The following MROH9 variants were observed in gnomAD, a reference collection of about 807,000 sequenced individuals.
MROH9 encodes maestro heat like repeat family member 9.
Under a neutral mutation model 98.2 loss-of-function variants are expected in MROH9, and 92 were observed. The ratio of observed to expected loss-of-function variants is 0.94; its 90% confidence interval spans 0.79 to 1.11. MROH9 has a LOEUF of 1.11. Among genes scored for constraint, MROH9 ranks in the 50% most tolerant of loss-of-function variants. The probability of loss-of-function intolerance (pLI) is 0.00; values close to 1 mark genes in which losing one functional copy is unlikely to be tolerated. For synonymous variants in MROH9, 397 were observed against 368.9 expected, an observed-to-expected ratio of 1.08 and a Z score of -0.87; for missense variants, 1,057 against 1,014.8, an observed-to-expected ratio of 1.04 and a Z score of -0.57.
chr1:170,944,434 TTA>T (rs1186552299), intron 1 of MROH9, among the ~76,000 whole-genome samples: 1 of 152,008 alleles, frequency 6.6e-6, no homozygotes, highest in African/African-American at 2.4e-5. Flanking sequence ...ATAAAATCTG[TTA>T]TGTAATAAAC....
intron 20 of MROH9, among the ~76,000 whole-genome samples, chr1:171,035,295 A>G (rs1414865590): frequency 6.6e-6 from 1 of 151,746 alleles, no homozygotes; most frequent in Non-Finnish European, 1.5e-5. Flanking sequence ...TAATAAATAT[A>G]AAGAGGAAGT....
intron 1 of MROH9, among the ~76,000 whole-genome samples, chr1:170,938,977 G>C (rs556342755): frequency 6.6e-6 from 1 of 152,188 alleles, no homozygotes; most frequent in South Asian, 2.1e-4. Flanking sequence ...TGGCTACTTT[G>C]CTCATGAGCC....
rs367773774 is a variant in MROH9, at chr1:170,996,974, G to A, written c.1475+330G>A. 2.0e-5 allele frequency among the ~76,000 whole-genome samples: 3 copies of A among 152,136 alleles called. No individual in the cohort carries two copies. In the East Asian group the frequency reaches 5.8e-4, roughly 29 times the overall value. On this transcript the variant is annotated intron_variant, in intron 14 of 21. Coordinates refer to ENST00000367759, the MANE Select transcript of MROH9 (RefSeq NM_001163629.2). ...ATTTTAGCTGATTCCTGCACAGCAG[G>A]CATCAGTTTTAGACATGTTTCCACT...
intron 12 of MROH9, among the ~76,000 whole-genome samples, chr1:170,993,673 A>G (rs1651449379): frequency 6.6e-6 from 1 of 152,206 alleles, no homozygotes; most frequent in Non-Finnish European, 1.5e-5. Flanking sequence ...ATCACATATA[A>G]AATAAATGTG....
chr1:171,053,918 T>C (rs533183821), intron 20 of MROH9, among the ~76,000 whole-genome samples: 1 of 152,102 alleles, frequency 6.6e-6, no homozygotes, highest in South Asian at 2.1e-4. Context: ...GGAGAAAGAA[T>C]GAGGCAGAAG....
chr1:171,015,738 G>C (rs536441517), intron 16 of MROH9, among the ~76,000 whole-genome samples: 1 of 152,188 alleles, frequency 6.6e-6, no homozygotes, highest in South Asian at 2.1e-4. Context: ...TGAAAATAAG[G>C]CCAATTCCCT....
At position 170,959,570 on chromosome 1, in the gene MROH9, C is replaced by T. The variant is rs776235836; in HGVS notation, c.261C>T (p.Ser87=). 3 of 1,613,446 alleles carry T rather than the reference C, an allele frequency of 1.9e-6. No homozygotes were observed. Among genetic ancestry groups the T allele is most frequent in the Non-Finnish European group, 1.7e-6 (2 of 1,179,718 alleles). ...TTGACAAAGTAAAAGAAATGGGGAG[C>T]AGTTATGAGTACATTGAGGACATGG... is the stretch of plus-strand genomic sequence containing the variant. The part of the protein sequence containing the change: ...PSLDKVKEMG[S]SYEYIEDMEN... Residue 87 remains serine, a synonymous_variant, in exon 5 of 22, where the codon AGC becomes AGT. Transcript: ENST00000367759.
intron 20 of MROH9, among the ~76,000 whole-genome samples, chr1:171,042,511 G>A (rs887589671): frequency 6.6e-6 from 1 of 152,110 alleles, no homozygotes; most frequent in Non-Finnish European, 1.5e-5. Context: ...CCCAGCAGTG[G>A]AATTGCTGGA....
At chr1:171,063,063 AG>A (rs1222774988) in intron 21 of MROH9, among the ~76,000 whole-genome samples, 1 of 152,130 alleles carries the variant, frequency 6.6e-6, no homozygotes, top group Non-Finnish European at 1.5e-5. Flanking sequence ...GTCAAACACT[AG>A]AATTTTCCAT....
chr1:170,936,496 C>G (rs1427714290), intron 1 of MROH9, among the ~76,000 whole-genome samples: 1 of 152,132 alleles, frequency 6.6e-6, no homozygotes, highest in East Asian at 1.9e-4. Context: ...ATCAGAACAC[C>G]AATTTAAATG....
chr1:171,041,519 C>T (rs1005153315), intron 20 of MROH9, among the ~76,000 whole-genome samples: 1 of 150,994 alleles, frequency 6.6e-6, no homozygotes, highest in African/African-American at 2.4e-5. Context: ...GTAAATAGTG[C>T]TGTGACAAAC....
At chr1:171,050,632 A>T (rs6423174) in intron 20 of MROH9, among the ~76,000 whole-genome samples, 1 of 151,654 alleles carries the variant, frequency 6.6e-6, no homozygotes, top group Admixed American at 6.6e-5. Context: ...ATTTGACATA[A>T]TCTTTTCCAG....
chr1:171,025,620 G>A (rs16863950), intron 20 of MROH9, among the ~76,000 whole-genome samples, 200 bp downstream of exon 20: 14,167 of 150,032 alleles, frequency 0.094, 774 homozygotes, highest in Middle Eastern at 0.17. Context: ...CTGTATGGTT[G>A]ATTATTATGC....
At chr1:170,981,359 C>G (rs746261269) in intron 8 of MROH9, among the ~76,000 whole-genome samples, 1 of 152,164 alleles carries the variant, frequency 6.6e-6, no homozygotes. Context: ...TGGAACCAAC[C>G]CAAATGCCTA....
At chr1:171,018,603 T>G (rs1044808976) in intron 17 of MROH9, among the ~76,000 whole-genome samples, 4 of 151,936 alleles carry the variant, frequency 2.6e-5, no homozygotes, top group African/African-American at 9.7e-5. Flanking sequence ...AATAACAAAC[T>G]CCTCTGAGCT....
Position 170,947,579 on chromosome 1 carries a change from T to A in MROH9, c.72+6T>A. 1 of 1,607,336 alleles carries A rather than the reference T, an allele frequency of 6.2e-7. No homozygotes were observed. Among genetic ancestry groups the A allele is most frequent in the Non-Finnish European group, 8.5e-7 (1 of 1,174,710 alleles). On this transcript the variant is annotated splice_donor_region_variant and intron_variant, in intron 3 of 21. Coordinates refer to ENST00000367759, the MANE Select transcript of MROH9 (RefSeq NM_001163629.2). ...GTGTGAAATGGCACCACATGGTAAG[T>A]GATATTCTATAAGGATATCAACGTA... is the stretch of plus-strand genomic sequence containing the variant.
At chr1:170,983,179 C>G (rs1392696668) in intron 8 of MROH9, among the ~76,000 whole-genome samples, 9 of 152,136 alleles carry the variant, frequency 5.9e-5, no homozygotes, top group African/African-American at 2.2e-4. Context: ...TATTTGTTAT[C>G]TTGTCAGGCT....
chr1:170,990,937 T>C (rs1651333086), intron 11 of MROH9, among the ~76,000 whole-genome samples: 2 of 152,162 alleles, frequency 1.3e-5, no homozygotes, highest in South Asian at 4.1e-4. Flanking sequence ...GGTATTTATT[T>C]AGGAAGCTTT....
chr1:170,989,863 G>T lies in MROH9; in HGVS notation c.888G>T (p.Lys296Asn). ...FHAEKVTMVS[K>N]IVDAIYRQLC... Reference sequence around the variant, plus strand: ...TGGAATTTCTCTTCCAGGTGTCTAAGATCGTGGATGCTATTTACAGGCAAC... The same window carrying T: ...TGGAATTTCTCTTCCAGGTGTCTAATATCGTGGATGCTATTTACAGGCAAC... The change falls in exon 11 of 22, where the codon AAG becomes AAT. Residue 296 changes from lysine to asparagine, a missense_variant. Lys to Asn is a moderately conservative substitution (Grantham distance 94, BLOSUM62 0). Coordinates refer to ENST00000367759, the MANE Select transcript of MROH9 (RefSeq NM_001163629.2). 6 of 1,601,802 alleles carry T rather than the reference G, an allele frequency of 3.7e-6. No homozygotes were observed. The highest frequency in any genetic ancestry group is 5.1e-6 in the Non-Finnish European group (6 of 1,170,794).
Sources: allele counts gnomAD v4.1 joint callset (sites outside exome capture counted in the v4.1 genomes callset), GRCh38; gene constraint gnomAD v4.1.1; transcripts MANE v1.5; gene names NCBI Gene and HGNC (gene_info 2026-07-23, HGNC 2026-07-21).